The following FSBP variants were observed in gnomAD, a reference collection of about 807,000 sequenced individuals.
The protein encoded by FSBP is fibrinogen silencer binding protein, also known as fibrinogen silencer-binding protein.
In FSBP, 18 loss-of-function variants were observed where a neutral mutation model predicts 24.6. That is an observed-to-expected ratio of 0.73 (90% CI 0.51 to 1.08). The LOEUF (loss-of-function observed/expected upper bound fraction) is 1.08, where lower values mean the gene tolerates loss of function less well. Ranked by LOEUF, FSBP falls within the 50% of genes least tolerant of loss-of-function variation. The probability of loss-of-function intolerance (pLI) is 0.00; values close to 1 mark genes in which losing one functional copy is unlikely to be tolerated. For missense variants in FSBP, 305 were observed against 347.6 expected, an observed-to-expected ratio of 0.88 and a Z score of 0.98; for synonymous variants, 110 against 125.8, an observed-to-expected ratio of 0.87 and a Z score of 0.84.
At chr8:94,435,814 G>A (rs1195529887) in intron 1 of FSBP, among the ~76,000 whole-genome samples, 1 of 152,028 alleles carries the variant, frequency 6.6e-6, no homozygotes, top group Non-Finnish European at 1.5e-5. Context: ...CAAGATCAAA[G>A]TGAAACTAGA....
chr8:94,433,920 G>A (rs902481227), intron 1 of FSBP, among the ~76,000 whole-genome samples: 1 of 151,522 alleles, frequency 6.6e-6, no homozygotes, highest in Non-Finnish European at 1.5e-5. Context: ...CTACCCATAC[G>A]TTACTTACTA....
intron 1 of FSBP, among the ~76,000 whole-genome samples, chr8:94,434,566 A>C (rs987943556): frequency 2.0e-5 from 3 of 151,866 alleles, no homozygotes; most frequent in Non-Finnish European, 1.5e-5. Context: ...TTCCTTATTA[A>C]AAAGGAAGAG....
chr8:94,433,817 T>A (rs1483239562), intron 1 of FSBP, among the ~76,000 whole-genome samples: 1 of 151,732 alleles, frequency 6.6e-6, no homozygotes, highest in Non-Finnish European at 1.5e-5. Context: ...AGATTTTACA[T>A]ATAATAAGAA....
Position 94,436,898 on chromosome 8 carries a change from T to C in FSBP, c.-30A>G, listed in dbSNP as rs1468832300. The C allele has an allele frequency of 1.0e-5, 15 of 1,488,680 alleles. No individual in the cohort carries two copies. Among genetic ancestry groups the C allele is most frequent in the Non-Finnish European group, 1.3e-5 (15 of 1,121,938 alleles). 92.2% of individuals were successfully genotyped at this position (1,488,680 alleles called of 1,614,324 possible). ...CTTTTCAAATTAAGTAGGCAGTTTC[T>C]GAAACCACCATGCAGCCTTCAGCTC... is the stretch of plus-strand genomic sequence containing the variant. On this transcript the variant is annotated 5_prime_UTR_variant, in exon 1 of 2. Coordinates refer to ENST00000481490, the MANE Select transcript of FSBP (RefSeq NM_001256141.2).
rs1411933391 is a variant in FSBP at position 94,432,410 on chromosome 8, T to C, written c.621A>G (p.Pro207=). Residue 207 remains proline (P), a synonymous_variant, in exon 2 of 2, where the codon CCA becomes CCG. Transcript: ENST00000481490. Reference sequence around the variant, plus strand: ...AATCATCTCTCCTTGGAATAGAAGATGGAGACGATGTCATTCTCATATCAA... The same window carrying C: ...AATCATCTCTCCTTGGAATAGAAGACGGAGACGATGTCATTCTCATATCAA... ...SSVDMRMTSS[P]SSIPRRDDFF... is the part of the protein sequence containing the mutation. 11 of 1,550,348 alleles carry C rather than the reference T, an allele frequency of 7.1e-6. No individual in the cohort carries two copies. Among genetic ancestry groups the C allele is most frequent in the Non-Finnish European group, 9.6e-6 (11 of 1,146,908 alleles).
In FSBP at chr8:94,431,491, C is replaced by T. The variant is rs1461827469; in HGVS notation, c.*640G>A. The T allele has an allele frequency of 1.0e-5, 10 of 981,486 alleles. No individual in the cohort carries two copies. Among genetic ancestry groups the T allele is most frequent in the African/African-American group, 1.8e-5 (1 of 57,096 alleles). The allele number at this position is 981,486 out of a possible 1,614,324, so 60.8% of individuals were successfully genotyped here. A position where few individuals can be genotyped will look rare whatever the true frequency, so the allele number is the denominator to read the frequency against. On this transcript the variant is annotated 3_prime_UTR_variant, in exon 2 of 2. Transcript: ENST00000481490. The stretch of plus-strand genomic sequence containing the variant: ...TGTTTTAGTGGATATTTACTTCTAT[C>T]GAATAGCGGGATGGAAATTACACAA...
At chr8:94,433,503 T>G (rs1812171905) in intron 1 of FSBP, among the ~76,000 whole-genome samples, 1 of 152,094 alleles carries the variant, frequency 6.6e-6, no homozygotes, top group African/African-American at 2.4e-5. Context: ...ACAGATATAT[T>G]AAAGGTTTAT....
rs1812060179 is a variant in FSBP, at chr8:94,430,373, T to C, written c.*1758A>G. On this transcript the variant is annotated 3_prime_UTR_variant, in exon 2 of 2. Transcript: ENST00000481490. ...TCTGGTATCAACCATCATCCAAATT[T>C]ATATCCCTCAGTTCACTTTCAACTA... is the stretch of plus-strand genomic sequence containing the variant. 1.0e-6 allele frequency: 1 copy of C among 985,008 alleles called. No homozygotes were observed. Among genetic ancestry groups the C allele is most frequent in the African/African-American group, 1.7e-5 (1 of 57,202 alleles). The allele number at this position is 985,008 out of a possible 1,614,324, so 61.0% of individuals were successfully genotyped here. A position where few individuals can be genotyped will look rare whatever the true frequency, so the allele number is the denominator to read the frequency against.
In FSBP at chr8:94,430,536, CA is replaced by C. The variant is rs1043083801; in HGVS notation, c.*1594del. The C allele has an allele frequency of 6.2e-6, 5 of 808,076 alleles. No individual in the cohort carries two copies. In the African/African-American group the frequency reaches 9.4e-5, roughly 15 times the overall value. 50.1% of individuals were successfully genotyped at this position (808,076 alleles called of 1,614,324 possible). A position where few individuals can be genotyped will look rare whatever the true frequency, so the allele number is the denominator to read the frequency against. ...TATTAAAAGAGATTGCTGACACCCC[CA>C]GGGTTTCTAATTCACTTGGAAATGG... On this transcript the variant is annotated 3_prime_UTR_variant, in exon 2 of 2. Coordinates refer to ENST00000481490, the MANE Select transcript of FSBP (RefSeq NM_001256141.2).
In FSBP at chr8:94,428,475, C is replaced by T; in HGVS notation, c.*3656G>A. On this transcript the variant is annotated 3_prime_UTR_variant, in exon 2 of 2. Coordinates refer to ENST00000481490, the MANE Select transcript of FSBP (RefSeq NM_001256141.2). ...TATTCACATACAATTTACACACATCCTTCCATATACTTTAAATCATCTCTA... is the reference window on the plus strand; with the variant it reads ...TATTCACATACAATTTACACACATCTTTCCATATACTTTAAATCATCTCTA... 1 of 256,630 alleles carries T rather than the reference C, an allele frequency of 3.9e-6. No homozygotes were observed. The highest frequency in any genetic ancestry group is 6.1e-6 in the Non-Finnish European group (1 of 163,818). 15.9% of individuals were successfully genotyped at this position (256,630 alleles called of 1,614,324 possible).
At position 94,429,715 on chromosome 8, in the gene FSBP, T is replaced by C; in HGVS notation, c.*2416A>G. 1.0e-6 allele frequency: 1 copy of C among 984,024 alleles called. No homozygotes were observed. Among genetic ancestry groups the C allele is most frequent in the Non-Finnish European group, 1.2e-6 (1 of 828,712 alleles). The allele number at this position is 984,024 out of a possible 1,614,324, so 61.0% of individuals were successfully genotyped here. A position where few individuals can be genotyped will look rare whatever the true frequency, so the allele number is the denominator to read the frequency against. On this transcript the variant is annotated 3_prime_UTR_variant, in exon 2 of 2. Transcript: ENST00000481490. ...AGATTAAAGAGAAAAGGTAACATTG[T>C]CAAAAGGATATATCAAGTTATATAT...
Position 94,428,668 on chromosome 8 carries a change from T to C in FSBP, c.*3463A>G, listed in dbSNP as rs1586162198. The C allele has an allele frequency of 1.2e-6, 1 of 810,766 alleles. No individual in the cohort carries two copies. The highest frequency in any genetic ancestry group is 1.5e-6 in the Non-Finnish European group (1 of 670,696). The allele number at this position is 810,766 out of a possible 1,614,324, so 50.2% of individuals were successfully genotyped here. ...TTGTACTGTTATTTATTTTTCTGCC[T>C]GAATATTTTCAATCCACAGTAGTTC... On this transcript the variant is annotated 3_prime_UTR_variant, in exon 2 of 2. Coordinates refer to ENST00000481490, the MANE Select transcript of FSBP (RefSeq NM_001256141.2).
rs1812084318 is a variant in FSBP at position 94,431,188 on chromosome 8, T to C, written c.*943A>G. On this transcript the variant is annotated 3_prime_UTR_variant, in exon 2 of 2. Transcript: ENST00000481490. ...ATTTCCATGAATACTAAAATAACAA[T>C]ACTTATAAAATACATAAAATTTTAA... The C allele has an allele frequency of 1.1e-6, 1 of 920,242 alleles. No individual in the cohort carries two copies. The highest frequency in any genetic ancestry group is 1.3e-6 in the Non-Finnish European group (1 of 770,894). 57.0% of individuals were successfully genotyped at this position (920,242 alleles called of 1,614,324 possible).
Position 94,431,926 on chromosome 8 carries a change from G to T in FSBP, c.*205C>A. The T allele has an allele frequency of 8.2e-7, 1 of 1,219,130 alleles. No individual in the cohort carries two copies. Among genetic ancestry groups the T allele is most frequent in the Non-Finnish European group, 1.0e-6 (1 of 968,408 alleles). The allele number at this position is 1,219,130 out of a possible 1,614,324, so 75.5% of individuals were successfully genotyped here. A position where few individuals can be genotyped will look rare whatever the true frequency, so the allele number is the denominator to read the frequency against. On this transcript the variant is annotated 3_prime_UTR_variant, in exon 2 of 2. Coordinates refer to ENST00000481490, the MANE Select transcript of FSBP (RefSeq NM_001256141.2). ...TTAAACTTAGGGAAAAAAAAAAGAA[G>T]ACAATAAAAACTATAACCATGCCAA... is the stretch of plus-strand genomic sequence containing the variant.
Position 94,436,580 on chromosome 8 carries a change from T to C in FSBP, c.289A>G (p.Ile97Val), listed in dbSNP as rs1346192412. ...ATAACTTTCTTGGTTGGCTCAGAAA[T>C]ATTGCTTTTAAAATCTGATTGGGTC... is the stretch of plus-strand genomic sequence containing the variant. ...KETQSDFKSN[I>V]SEPTKKVMEM... Residue 97 changes from isoleucine (I) to valine (V), a missense_variant, in exon 1 of 2, where the codon ATT (isoleucine) becomes GTT (valine). Coordinates refer to ENST00000481490, the MANE Select transcript of FSBP (RefSeq NM_001256141.2). The C allele has an allele frequency of 1.3e-6, 2 of 1,550,428 alleles. No homozygotes were observed. Among genetic ancestry groups the C allele is most frequent in the Non-Finnish European group, 1.7e-6 (2 of 1,146,956 alleles).
In FSBP at chr8:94,430,889, C is replaced by G. The variant is rs1471446093; in HGVS notation, c.*1242G>C. The G allele has an allele frequency of 2.0e-6, 2 of 985,314 alleles. No individual in the cohort carries two copies. Among genetic ancestry groups the G allele is most frequent in the African/African-American group, 1.7e-5 (1 of 57,230 alleles). The allele number at this position is 985,314 out of a possible 1,614,324, so 61.0% of individuals were successfully genotyped here. Reference sequence around the variant, plus strand: ...ATACTACAGCCCAAATTGACTCTCTCTACATTCACTTAAAATCAATGGCTT... The same window carrying G: ...ATACTACAGCCCAAATTGACTCTCTGTACATTCACTTAAAATCAATGGCTT... On this transcript the variant is annotated 3_prime_UTR_variant, in exon 2 of 2. Transcript: ENST00000481490.
chr8:94,427,726 T>G lies in FSBP; in HGVS notation c.*4405A>C. ...AAGTACACAAATCAGTACAAAGTAGTATCTTGTATTTAAAAGAACATGTGT... is the reference window on the plus strand; with the variant it reads ...AAGTACACAAATCAGTACAAAGTAGGATCTTGTATTTAAAAGAACATGTGT... On this transcript the variant is annotated 3_prime_UTR_variant, in exon 2 of 2. Transcript: ENST00000481490. The G allele has an allele frequency of 1.0e-6, 1 of 982,046 alleles. No individual in the cohort carries two copies. The allele number at this position is 982,046 out of a possible 1,614,324, so 60.8% of individuals were successfully genotyped here. A position where few individuals can be genotyped will look rare whatever the true frequency, so the allele number is the denominator to read the frequency against.
At position 94,428,758 on chromosome 8, in the gene FSBP, T is replaced by C; in HGVS notation, c.*3373A>G. 1.0e-6 allele frequency: 1 copy of C among 985,212 alleles called. No individual in the cohort carries two copies. The highest frequency in any genetic ancestry group is 1.2e-6 in the Non-Finnish European group (1 of 829,784). 61.0% of individuals were successfully genotyped at this position (985,212 alleles called of 1,614,324 possible). On this transcript the variant is annotated 3_prime_UTR_variant, in exon 2 of 2. Transcript: ENST00000481490. ...TACATTCCATTGTACTAGCAAACTT[T>C]CCCCTATATATTCCCCTTAATGAAA...
Position 94,429,876 on chromosome 8 carries a change from T to C in FSBP, c.*2255A>G, listed in dbSNP as rs1311790336. ...TCATTTTTTTCTATTTCTATAGCCA[T>C]AACTTAAATTTCTGATTTAAGTTCT... On this transcript the variant is annotated 3_prime_UTR_variant, in exon 2 of 2. Coordinates refer to ENST00000481490, the MANE Select transcript of FSBP (RefSeq NM_001256141.2). 1.0e-6 allele frequency: 1 copy of C among 985,418 alleles called. No homozygotes were observed. Among genetic ancestry groups the C allele is most frequent in the East Asian group, 1.1e-4 (1 of 8,818 alleles). The allele number at this position is 985,418 out of a possible 1,614,324, so 61.0% of individuals were successfully genotyped here.
Sources: gnomAD v4.1 joint callset for allele counts (sites outside exome capture counted in the v4.1 genomes callset) on GRCh38, gnomAD v4.1.1 for gene constraint, MANE v1.5 for transcripts, NCBI Gene and HGNC (gene_info 2026-07-23, HGNC 2026-07-21) for gene names.